The following RBFOX3 variants were observed in gnomAD, a reference collection of about 807,000 sequenced individuals.
RBFOX3 encodes the protein RNA binding protein fox-1 homolog 3.
RBFOX3 carries 17 observed loss-of-function variants against 48.7 expected under a neutral mutation model. The observed-to-expected ratio is 0.35, with a 90% CI of 0.24 to 0.52. The LOEUF (loss-of-function observed/expected upper bound fraction) is 0.52, where lower values mean the gene tolerates loss of function less well. Ranked by LOEUF, RBFOX3 falls within the 20% of genes least tolerant of loss-of-function variation. The probability of loss-of-function intolerance (pLI) is 0.94; values close to 1 mark genes in which losing one functional copy is unlikely to be tolerated. For missense variants in RBFOX3, 382 were observed against 497.5 expected, an observed-to-expected ratio of 0.77 and a Z score of 2.21; for synonymous variants, 212 against 209.5, an observed-to-expected ratio of 1.01 and a Z score of -0.10.
At chr17:79,451,356 C>T (rs934233007) in intron 2 of RBFOX3, among the ~76,000 whole-genome samples, 1 of 152,162 alleles carries the variant, frequency 6.6e-6, no homozygotes. Context: ...AAAGACGTGC[C>T]GGGAAGACGT....
At chr17:79,630,343 C>T in the RBFOX3 span, among the ~76,000 whole-genome samples, 4 of 152,324 alleles carry the variant, frequency 2.6e-5, no homozygotes, top group South Asian at 6.2e-4. Flanking sequence ...AACAAGTCAT[C>T]GCTCAGTCAG....
At chr17:79,379,901 C>A (rs1332616917) in intron 2 of RBFOX3, among the ~76,000 whole-genome samples, 6 of 152,196 alleles carry the variant, frequency 3.9e-5, no homozygotes, top group Non-Finnish European at 7.3e-5. Context: ...CACGAGTCTG[C>A]ATGTGCGTCC....
chr17:79,480,391 G>A lies in RBFOX3; in HGVS notation c.-175+2063C>T, dbSNP rs1181010925. 1.3e-5 allele frequency among the ~76,000 whole-genome samples: 2 copies of A among 152,172 alleles called. No homozygotes were observed. The highest frequency in any genetic ancestry group is 3.9e-4 in the East Asian group (2 of 5,194). On this transcript the variant is annotated intron_variant, in intron 2 of 14. Transcript: ENST00000693108. This position sits in a 1 kb window ranked among gnomAD's most constrained non-coding sequence, Gnocchi z 4.8. ...GCGACAGTGGGCTCGCTCGTCAGCT[G>A]TCCCTTGCTTCCACTCTGTCCCCCT...
intron 4 of RBFOX3, among the ~76,000 whole-genome samples, chr17:79,147,168 T>C (rs1345645080): frequency 6.6e-6 from 1 of 152,170 alleles, no homozygotes; most frequent in East Asian, 1.9e-4. Flanking sequence ...CCCGTCCGTG[T>C]CGTCCTCAGA....
chr17:79,611,210 T>TCC (rs2093966758), upstream of RBFOX3, among the ~76,000 whole-genome samples: 1 of 131,358 alleles, frequency 7.6e-6, no homozygotes, highest in African/African-American at 3.0e-5. Flanking sequence ...TCTCTCTCTC[T>TCC]CTCGTTCCTC....
intron 1 of RBFOX3, chr17:79,508,832 C>T (rs1405528356): frequency 6.6e-6 from 1 of 152,554 alleles, no homozygotes; most frequent in Admixed American, 6.5e-5. Flanking sequence ...CGGCAGGCGT[C>T]CATGCGAGGT....
At chr17:79,640,952 G>A in the RBFOX3 span, among the ~76,000 whole-genome samples, 1 of 152,098 alleles carries the variant, frequency 6.6e-6, no homozygotes, top group East Asian at 1.9e-4. Flanking sequence ...AAAAATAAGT[G>A]AGATTGCATC....
chr17:79,512,492 G>A (rs1474130184), intron 1 of RBFOX3, among the ~76,000 whole-genome samples: 1 of 139,672 alleles, frequency 7.2e-6, no homozygotes, highest in East Asian at 2.2e-4. Context: ...TTACCATCGA[G>A]TACAGCCCCA....
At chr17:79,139,112 C>A (rs12943169) in intron 4 of RBFOX3, among the ~76,000 whole-genome samples, 1 of 151,590 alleles carries the variant, frequency 6.6e-6, no homozygotes, top group South Asian at 2.1e-4. Context: ...CCACTCTCAC[C>A]CACACACGCA....
chr17:79,133,738 G>C (rs12938612), intron 4 of RBFOX3, among the ~76,000 whole-genome samples: 81,118 of 152,036 alleles, frequency 0.53, 22,325 homozygotes, highest in African/African-American at 0.62. Context: ...GGTGGACCAG[G>C]AGACACCAGG....
At chr17:79,158,458 C>T (rs1160891296) in intron 4 of RBFOX3, among the ~76,000 whole-genome samples, 1 of 152,138 alleles carries the variant, frequency 6.6e-6, no homozygotes, top group Non-Finnish European at 1.5e-5. Context: ...AGGGGCACTG[C>T]AAACCTGCTC....
At chr17:79,259,591 G>GGACC (rs1240204620) in intron 3 of RBFOX3, among the ~76,000 whole-genome samples, 1 of 152,138 alleles carries the variant, frequency 6.6e-6, no homozygotes, top group Non-Finnish European at 1.5e-5. Context: ...GCGTTGCCTG[G>GGACC]GACCGCATGG....
rs1020553770 is a variant in RBFOX3, at chr17:79,378,568, C to T, written c.-174-70744G>A. On this transcript the variant is annotated intron_variant, in intron 2 of 14. Transcript: ENST00000693108. ...ACCCCAGGAAGCCAAGGACAGGGTT[C>T]GGATGGGTGGGCTGAGCCCGGGACA... Among the ~76,000 whole-genome samples the T allele has an allele frequency of 3.3e-5, 5 of 152,162 alleles. No homozygotes were observed. In the South Asian group the frequency reaches 8.3e-4, roughly 25 times the overall value.
chr17:79,117,458 G>C (rs529515697), intron 4 of RBFOX3, among the ~76,000 whole-genome samples: 1 of 152,324 alleles, frequency 6.6e-6, no homozygotes, highest in East Asian at 1.9e-4. Flanking sequence ...ACACACGTTA[G>C]TTCAGTGAGC....
rs12450946 is a variant in RBFOX3, at chr17:79,160,712, G to A, written c.-33-44964C>T. Among the ~76,000 whole-genome samples, 570 of 152,282 alleles carry A rather than the reference G, an allele frequency of 3.7e-3. 12 individuals carry two copies. Among genetic ancestry groups the A allele is most frequent in the Admixed American group, 0.035 (528 of 15,286 alleles). On this transcript the variant is annotated intron_variant, in intron 4 of 14. Coordinates refer to ENST00000693108, the MANE Select transcript of RBFOX3 (RefSeq NM_001350451.2). ...AATAAACATCTTGGCGAGCGTAGTG[G>A]CTCATGCCTGTAATTCCAGCACTTA...
At position 79,443,102 on chromosome 17, in the gene RBFOX3, G is replaced by T. The variant is rs578146645; in HGVS notation, c.-175+39352C>A. Among the ~76,000 whole-genome samples the T allele has an allele frequency of 1.2e-4, 19 of 152,322 alleles. No homozygotes were observed. The highest frequency in any genetic ancestry group is 2.5e-4 in the Non-Finnish European group (17 of 68,034). ...CATGGACGAGACAGTGGTGGCCTCT[G>T]CCCCTGTGGACAAAACCGGAGCTCA... On this transcript the variant is annotated intron_variant, in intron 2 of 14. Coordinates refer to ENST00000693108, the MANE Select transcript of RBFOX3 (RefSeq NM_001350451.2). The surrounding 1 kb of genome is among the most constrained non-coding windows in gnomAD (Gnocchi z 4.4).
At chr17:79,663,796 C>T in the RBFOX3 span, among the ~76,000 whole-genome samples, 2 of 104,260 alleles carry the variant, frequency 1.9e-5, no homozygotes, top group African/African-American at 1.1e-4. Flanking sequence ...AATCTTGGGG[C>T]GGGGGTGGGG....
rs1011939646 is a variant in RBFOX3 at position 79,484,783 on chromosome 17, T to C, written c.-319-2185A>G. On this transcript the variant is annotated intron_variant, in intron 1 of 14. Transcript: ENST00000693108. Reference sequence around the variant, plus strand: ...CTAGAACTCACACTGCACCAGGCCCTGGGCAGGGAAGTCCATGGGGAACTG... The same window carrying C: ...CTAGAACTCACACTGCACCAGGCCCCGGGCAGGGAAGTCCATGGGGAACTG... Among the ~76,000 whole-genome samples, 358 of 152,206 alleles carry C rather than the reference T, an allele frequency of 2.4e-3. 1 individual carries two copies. Among genetic ancestry groups the C allele is most frequent in the African/African-American group, 8.2e-3 (339 of 41,514 alleles).
chr17:79,106,913 C>A, intron 5 of RBFOX3, 125 bp from the exon 6 acceptor site: 1 of 1,277,558 alleles, frequency 7.8e-7, no homozygotes, highest in Non-Finnish European at 1.0e-6. Context: ...CTCCCCCATC[C>A]CTGGGCTGGG....
Sources: gnomAD v4.1 joint callset for allele counts (sites outside exome capture counted in the v4.1 genomes callset) on GRCh38, gnomAD v4.1.1 for gene constraint, Gnocchi (gnomAD v3.1) non-coding constraint, MANE v1.5 for transcripts, NCBI Gene and HGNC (gene_info 2026-07-23, HGNC 2026-07-21) for gene names.